PDZRN4: variants seen among roughly 807,000 people sequenced by gnomAD.
The protein encoded by PDZRN4 is PDZ domain-containing RING finger protein 4.
A neutral mutation model predicts 99.0 loss-of-function variants in PDZRN4; 70 were observed. That is an observed-to-expected ratio of 0.71 (90% CI 0.58 to 0.86). PDZRN4 has a LOEUF of 0.86. Among genes scored for constraint, PDZRN4 ranks in the 40% least tolerant of loss-of-function variants. PDZRN4 has a pLI of 0.00. For missense variants in PDZRN4, 1,474 were observed against 1,331.2 expected (o/e 1.11, Z -1.67); for synonymous variants, 551 against 501.6 (o/e 1.10, Z -1.32).
chr12:41,534,447 T>A (rs898781393), intron 5 of PDZRN4, among the ~76,000 whole-genome samples: 2 of 152,104 alleles, frequency 1.3e-5, no homozygotes, highest in African/African-American at 2.4e-5. Context: ...CCTTCCCCCT[T>A]CCCCTCACTC....
In PDZRN4 at chr12:41,452,433, C is replaced by G. The variant is rs1199590631; in HGVS notation, c.844-54023C>G. On this transcript the variant is annotated intron_variant, in intron 3 of 9. Coordinates refer to ENST00000402685, the MANE Select transcript of PDZRN4 (RefSeq NM_001164595.2). ...CAGCCTGGGCGACAAAGTGAGCCTCCGTCTAAAAAAAAAAAAAAAGAAAGA... is the reference window on the plus strand; with the variant it reads ...CAGCCTGGGCGACAAAGTGAGCCTCGGTCTAAAAAAAAAAAAAAAGAAAGA... 1.9e-4 allele frequency among the ~76,000 whole-genome samples: 19 copies of G among 99,216 alleles called. No homozygotes were observed. In the East Asian group the frequency reaches 4.9e-3, roughly 26 times the overall value. 65.1% of individuals were successfully genotyped at this position (99,216 alleles called of 152,430 possible). A position where few individuals can be genotyped will look rare whatever the true frequency, so the allele number is the denominator to read the frequency against.
intron 3 of PDZRN4, among the ~76,000 whole-genome samples, chr12:41,454,516 C>G (rs1166741569): frequency 1.3e-5 from 2 of 152,150 alleles, no homozygotes; most frequent in African/African-American, 4.8e-5. Context: ...GGTCTGTATT[C>G]CCTTGCGGGA....
intron 3 of PDZRN4, among the ~76,000 whole-genome samples, chr12:41,218,894 CATT>C (rs1950937356): frequency 6.6e-6 from 1 of 151,564 alleles, no homozygotes; most frequent in Admixed American, 6.6e-5. Flanking sequence ...TAAGTCTCTA[CATT>C]ATTATTCCAA....
In PDZRN4 at chr12:41,207,482, A is replaced by G. The variant is rs958584575; in HGVS notation, c.843+13294A>G. Among the ~76,000 whole-genome samples, 4 of 151,984 alleles carry G rather than the reference A, an allele frequency of 2.6e-5. No individual in the cohort carries two copies. In the South Asian group the frequency reaches 8.3e-4, roughly 31 times the overall value. ...TCTAGGCATATTTATATAATTAAAT[A>G]TCTTATAATGTGGGGTCATGAACTG... On this transcript the variant is annotated intron_variant, in intron 3 of 9. Coordinates refer to ENST00000402685, the MANE Select transcript of PDZRN4 (RefSeq NM_001164595.2).
rs1939404709 is a variant in PDZRN4 at position 41,567,898 on chromosome 12, A to G, written c.1583A>G (p.Gln528Arg). Residue 528 changes from glutamine (Q) to arginine (R), a missense_variant and splice_region_variant, in exon 9 of 10, where the codon CAG (glutamine) becomes CGG (arginine). Transcript: ENST00000402685. ...CAGCCCACTGCCAATGAGGTGGAGCAGGTAGGGCCAACAATTTGAACTACA... is the reference window on the plus strand; with the variant it reads ...CAGCCCACTGCCAATGAGGTGGAGCGGGTAGGGCCAACAATTTGAACTACA... ...AMQPTANEVE[Q>R]PKKQEEEEGT... is the part of the protein sequence containing the mutation. The G allele has an allele frequency of 2.6e-6, 4 of 1,561,444 alleles. No homozygotes were observed. The highest frequency in any genetic ancestry group is 3.5e-6 in the Non-Finnish European group (4 of 1,137,616).
intron 3 of PDZRN4, among the ~76,000 whole-genome samples, chr12:41,456,166 A>G (rs979973047): frequency 6.6e-6 from 1 of 152,058 alleles, no homozygotes; most frequent in African/African-American, 2.4e-5. Flanking sequence ...AGCTTCTTTG[A>G]CAGATTCTCC....
chr12:41,573,050 C>G lies in PDZRN4; in HGVS notation c.2271C>G (p.Asp757Glu), dbSNP rs763941497. 3 of 1,614,158 alleles carry G rather than the reference C, an allele frequency of 1.9e-6. No homozygotes were observed. Among genetic ancestry groups the G allele is most frequent in the Admixed American group, 3.3e-5 (2 of 60,028 alleles). Residue 757 changes from aspartate to glutamate, a missense_variant, in exon 10 of 10, where the codon GAC becomes GAG. Physicochemically the swap from Asp to Glu is conservative, Grantham distance 45. Transcript: ENST00000402685. ...STPLTVDRSP[D>E]SSLPRVINLT... ...CGCTCACTGTAGACCGTTCCCCTGA[C>G]AGTTCCCTTCCAAGGGTGATCAACC...
intron 3 of PDZRN4, among the ~76,000 whole-genome samples, chr12:41,326,150 A>ATTTTGGCAT (rs1555130104): frequency 6.7e-6 from 1 of 149,546 alleles, no homozygotes; most frequent in Non-Finnish European, 1.5e-5. Context: ...CACTCGGCTA[A>ATTTTGGCAT]TTTTTTTTTT....
chr12:41,286,357 T>TTTG (rs1368195986), intron 3 of PDZRN4, among the ~76,000 whole-genome samples: 1 of 102,192 alleles, frequency 9.8e-6, no homozygotes, highest in Admixed American at 1.0e-4. Flanking sequence ...TTTTTTTTTT[T>TTTG]TTGTTGTTGT....
intron 3 of PDZRN4, among the ~76,000 whole-genome samples, chr12:41,225,996 G>A (rs1025642745): frequency 7.9e-5 from 12 of 151,642 alleles, no homozygotes; most frequent in East Asian, 3.9e-4. Flanking sequence ...CATTCTTTCC[G>A]GTCAACAATT....
At position 41,540,903 on chromosome 12, in the gene PDZRN4, CGTTGTTGTTGTT is replaced by C. The variant is rs199757826; in HGVS notation, c.1204-11728_1204-11717del. Among the ~76,000 whole-genome samples the C allele has an allele frequency of 5.6e-4, 28 of 50,300 alleles. No individual in the cohort carries two copies. The East Asian group carries it at 9.5e-3, about 17-fold the overall frequency. 33.0% of individuals were successfully genotyped at this position (50,300 alleles called of 152,430 possible). A position where few individuals can be genotyped will look rare whatever the true frequency, so the allele number is the denominator to read the frequency against. ...TGTTGTTGTTGTTGTCCCTTTTCTT[CGTTGTTGTTGTT>C]GTTGTTGTTGTTGTTGTTGTTGTTT... On this transcript the variant is annotated intron_variant, in intron 5 of 9. Coordinates refer to ENST00000402685, the MANE Select transcript of PDZRN4 (RefSeq NM_001164595.2).
At chr12:41,445,582 A>G (rs1340408248) in intron 3 of PDZRN4, among the ~76,000 whole-genome samples, 2 of 152,072 alleles carry the variant, frequency 1.3e-5, no homozygotes, top group African/African-American at 4.8e-5. Flanking sequence ...AATGATTAAG[A>G]AAGACCCAAG....
chr12:41,561,911 A>G (rs1488091523), intron 7 of PDZRN4, among the ~76,000 whole-genome samples: 1 of 152,172 alleles, frequency 6.6e-6, no homozygotes, highest in Non-Finnish European at 1.5e-5. Flanking sequence ...GGGTAGGGGA[A>G]GTATAGTGGA....
intron 5 of PDZRN4, among the ~76,000 whole-genome samples, chr12:41,551,752 C>A (rs569396780): frequency 2.0e-5 from 3 of 152,294 alleles, no homozygotes; most frequent in African/African-American, 7.2e-5. Context: ...TTATATTCTA[C>A]ATCCAATAGG....
chr12:41,507,267 T>A (rs1938224116), intron 4 of PDZRN4, among the ~76,000 whole-genome samples: 1 of 152,176 alleles, frequency 6.6e-6, no homozygotes, highest in African/African-American at 2.4e-5. Context: ...AGTATAGTGC[T>A]ATCAAATAAA....
chr12:41,360,210 T>C (rs73274416), intron 3 of PDZRN4, among the ~76,000 whole-genome samples: 2 of 152,030 alleles, frequency 1.3e-5, no homozygotes, highest in African/African-American at 2.4e-5. Context: ...AGAGCTATTA[T>C]GTTCATAGAG....
intron 3 of PDZRN4, among the ~76,000 whole-genome samples, chr12:41,256,532 T>C (rs965551157): frequency 6.6e-6 from 1 of 152,228 alleles, no homozygotes; most frequent in Non-Finnish European, 1.5e-5. Flanking sequence ...ATTTACCTTC[T>C]CTTTTCTATC....
At position 41,233,249 on chromosome 12, in the gene PDZRN4, C is replaced by T. The variant is rs560238854; in HGVS notation, c.843+39061C>T. On this transcript the variant is annotated intron_variant, in intron 3 of 9. Coordinates refer to ENST00000402685, the MANE Select transcript of PDZRN4 (RefSeq NM_001164595.2). ...AAAACCACAATGAGAAACCATCTCA[C>T]ACCAGTTAGAATGGCGATCATTAAA... 5.4e-4 allele frequency among the ~76,000 whole-genome samples: 82 copies of T among 152,244 alleles called. 1 individual carries two copies. The highest frequency in any genetic ancestry group is 1.8e-3 in the African/African-American group (76 of 41,546).
intron 3 of PDZRN4, among the ~76,000 whole-genome samples, chr12:41,340,760 C>T (rs1292691233): frequency 2.0e-5 from 3 of 151,754 alleles, no homozygotes; most frequent in African/African-American, 4.8e-5. Flanking sequence ...GCCCACGACC[C>T]ATTGGCTTCA....
Sources: gnomAD v4.1 joint callset for allele counts (sites outside exome capture counted in the v4.1 genomes callset) on GRCh38, gnomAD v4.1.1 for gene constraint, MANE v1.5 for transcripts, NCBI Gene and HGNC (gene_info 2026-07-23, HGNC 2026-07-21) for gene names.